SLC24A2: variants seen among roughly 807,000 people sequenced by gnomAD.
SLC24A2 encodes the protein solute carrier family 24 member 2, also known as sodium/potassium/calcium exchanger 2.
A neutral mutation model predicts 62.0 loss-of-function variants in SLC24A2; 36 were observed. The observed-to-expected ratio is 0.58, with a 90% CI of 0.44 to 0.77. The LOEUF is 0.77. SLC24A2 is among the 30% of genes least tolerant of loss of function. The probability of loss-of-function intolerance (pLI) is 0.00; values close to 1 mark genes in which losing one functional copy is unlikely to be tolerated. For synonymous variants in SLC24A2, 358 were observed against 294.0 expected (o/e 1.22, Z -2.23); for missense variants, 846 against 817.9 (o/e 1.03, Z -0.42).
At chr9:19,862,746 A>G in the SLC24A2 span, among the ~76,000 whole-genome samples, 21 of 152,178 alleles carry the variant, frequency 1.4e-4, no homozygotes, top group African/African-American at 3.6e-4. Context: ...GTTTGTGCAA[A>G]CGGTGTTAAG....
chr9:19,545,581 T>C (rs1489086374), intron 8 of SLC24A2, among the ~76,000 whole-genome samples: 1 of 152,118 alleles, frequency 6.6e-6, no homozygotes, highest in African/African-American at 2.4e-5. Flanking sequence ...TCGGTCTTTG[T>C]AGTCAGTGAC....
intron 8 of SLC24A2, among the ~76,000 whole-genome samples, chr9:19,531,052 T>A (rs1685036889): frequency 1.3e-5 from 2 of 152,014 alleles, no homozygotes; most frequent in South Asian, 2.1e-4. Flanking sequence ...GTCAGAAAAT[T>A]AAAAAAAGCA....
rs1049908187 is a variant in SLC24A2, at chr9:19,511,482, G to A, written c.*4671C>T. On this transcript the variant is annotated 3_prime_UTR_variant, in exon 11 of 11. Coordinates refer to ENST00000341998, the MANE Select transcript of SLC24A2 (RefSeq NM_020344.4). Reference sequence around the variant, plus strand: ...AAACTACATAGGGATATATTTCCACGTGACACTTGTTTTCTTGGAATCCTA... The same window carrying A: ...AAACTACATAGGGATATATTTCCACATGACACTTGTTTTCTTGGAATCCTA... The A allele has an allele frequency of 4.6e-5, 7 of 152,116 alleles. No individual in the cohort carries two copies. Among genetic ancestry groups the A allele is most frequent in the African/African-American group, 1.4e-4 (6 of 41,408 alleles). The allele number at this position is 152,116 out of a possible 1,614,324, so 9.4% of individuals were successfully genotyped here.
At chr9:19,905,659 T>G in the SLC24A2 span, among the ~76,000 whole-genome samples, 1 of 152,058 alleles carries the variant, frequency 6.6e-6, no homozygotes, top group African/African-American at 2.4e-5. Flanking sequence ...CCTCCCAAAG[T>G]GCTGGGATTA....
At chr9:19,568,914 C>G (rs1016912450) in intron 7 of SLC24A2, among the ~76,000 whole-genome samples, 2 of 152,172 alleles carry the variant, frequency 1.3e-5, no homozygotes, top group Non-Finnish European at 2.9e-5. Flanking sequence ...TGACAGCATT[C>G]CAAGCAAATG....
At chr9:19,592,998 G>C (rs1026124758) in intron 5 of SLC24A2, among the ~76,000 whole-genome samples, 5 of 152,200 alleles carry the variant, frequency 3.3e-5, no homozygotes, top group Non-Finnish European at 7.4e-5. Flanking sequence ...ATCATGTCTA[G>C]CAAAATGTCT....
At chr9:20,103,676 A>T in the SLC24A2 span, among the ~76,000 whole-genome samples, 4 of 152,232 alleles carry the variant, frequency 2.6e-5, no homozygotes, top group African/African-American at 7.2e-5. Flanking sequence ...CAGAAAGGAC[A>T]TCCACACAAA....
intron 2 of SLC24A2, among the ~76,000 whole-genome samples, chr9:19,653,606 T>C (rs368573814): frequency 1.1e-4 from 17 of 152,228 alleles, no homozygotes; most frequent in African/African-American, 4.1e-4. Flanking sequence ...AAGCTTGATA[T>C]AAAATATCAA....
At chr9:20,307,778 T>A in the SLC24A2 span, among the ~76,000 whole-genome samples, 1 of 152,144 alleles carries the variant, frequency 6.6e-6, no homozygotes, top group Non-Finnish European at 1.5e-5. Flanking sequence ...CGGGACTCGG[T>A]CCCTGACCAG....
At chr9:19,630,515 G>A (rs979300782) in intron 2 of SLC24A2, among the ~76,000 whole-genome samples, 11 of 152,120 alleles carry the variant, frequency 7.2e-5, no homozygotes, top group Non-Finnish European at 1.2e-4. Context: ...ATTTTTATAC[G>A]TATAACTTTT....
chr9:20,176,245 C>G, the SLC24A2 span, among the ~76,000 whole-genome samples: 2 of 151,816 alleles, frequency 1.3e-5, no homozygotes, highest in African/African-American at 4.8e-5. Flanking sequence ...TCTATTTGCC[C>G]CAATTGAGCC....
At chr9:19,889,258 G>A in the SLC24A2 span, among the ~76,000 whole-genome samples, 2 of 152,164 alleles carry the variant, frequency 1.3e-5, no homozygotes, top group Admixed American at 1.3e-4. Context: ...TATAAAGCCA[G>A]TACAGTGGGT....
chr9:19,636,365 TTC>T (rs1240048982), intron 2 of SLC24A2, among the ~76,000 whole-genome samples: 8 of 38,382 alleles, frequency 2.1e-4, no homozygotes, highest in South Asian at 1.1e-3. Context: ...CTTTCTTTCT[TTC>T]TTTCTTTCTT....
At chr9:20,228,126 A>G in the SLC24A2 span, among the ~76,000 whole-genome samples, 7 of 152,260 alleles carry the variant, frequency 4.6e-5, no homozygotes, top group South Asian at 4.1e-4. Flanking sequence ...CTTCACTTGC[A>G]TATTCCCAGT....
the SLC24A2 span, among the ~76,000 whole-genome samples, chr9:19,855,083 T>C: frequency 6.6e-6 from 1 of 152,170 alleles, no homozygotes; most frequent in Non-Finnish European, 1.5e-5. Flanking sequence ...TGGTTTAAAG[T>C]CTGTTTTGTC....
chr9:19,820,410 AC>A, the SLC24A2 span, among the ~76,000 whole-genome samples: 1 of 151,150 alleles, frequency 6.6e-6, no homozygotes, highest in African/African-American at 2.4e-5. Flanking sequence ...ACCAAATACC[AC>A]CTGTACCCCA....
chr9:19,994,028 A>G, the SLC24A2 span, among the ~76,000 whole-genome samples: 3 of 152,326 alleles, frequency 2.0e-5, 1 homozygote, highest in East Asian at 5.8e-4. Flanking sequence ...GTAAAGATAG[A>G]CCAAGTAGAT....
intron 2 of SLC24A2, among the ~76,000 whole-genome samples, chr9:19,684,133 T>C (rs1228071126): frequency 2.6e-5 from 4 of 152,174 alleles, no homozygotes; most frequent in African/African-American, 7.2e-5. Context: ...CTTTTCAGGA[T>C]GCCCCTGCAG....
chr9:19,590,287 T>A (rs892066983), intron 5 of SLC24A2, among the ~76,000 whole-genome samples: 2 of 152,230 alleles, frequency 1.3e-5, no homozygotes, highest in African/African-American at 4.8e-5. Flanking sequence ...TGGCCCTGAA[T>A]GTCCCCAATC....
Sources: gnomAD v4.1 joint callset for allele counts (sites outside exome capture counted in the v4.1 genomes callset) on GRCh38, gnomAD v4.1.1 for gene constraint, MANE v1.5 for transcripts, NCBI Gene and HGNC (gene_info 2026-07-23, HGNC 2026-07-21) for gene names.